SLIT1: variants seen among roughly 807,000 people sequenced by gnomAD.
SLIT1 encodes the protein slit guidance ligand 1.
Under a neutral mutation model 186.1 loss-of-function variants are expected in SLIT1, and 66 were observed. That is an observed-to-expected ratio of 0.35 (90% CI 0.29 to 0.44). The LOEUF is 0.44. Ranked by LOEUF, SLIT1 falls within the 20% of genes least tolerant of loss-of-function variation. SLIT1 has a pLI of 1.00. For synonymous variants in SLIT1, 761 were observed against 833.8 expected (o/e 0.91, Z 1.50); for missense variants, 1,638 against 2,037.4 (o/e 0.80, Z 3.77).
intron 4 of SLIT1, among the ~76,000 whole-genome samples, chr10:97,074,627 A>C (rs56255957): frequency 0.04 from 6,037 of 152,302 alleles, 146 homozygotes; most frequent in South Asian, 0.1. Flanking sequence ...CAGACAAAGC[A>C]TGAACCCCAT....
At chr10:97,096,059 T>C (rs1011898521) in intron 4 of SLIT1, among the ~76,000 whole-genome samples, 1 of 152,014 alleles carries the variant, frequency 6.6e-6, no homozygotes, top group Non-Finnish European at 1.5e-5. Flanking sequence ...AGAAAGAATC[T>C]CTCACCCTGA....
In SLIT1 at chr10:97,021,304, C is replaced by A. The variant is rs774832887; in HGVS notation, c.2692G>T (p.Asp898Tyr). The stretch of plus-strand genomic sequence containing the variant: ...GTGAGGAGCAGCTTGCCCTCCATGT[C>A]CTGGGGCCCAGCACAACGAGCAATG... ...PGIARCAGPQDMEGKLLLTTP... is the reference protein window; with the variant it reads ...PGIARCAGPQYMEGKLLLTTP... Residue 898 changes from aspartate (D) to tyrosine (Y), a missense_variant, in exon 26 of 37, where the codon GAC becomes TAC. Physicochemically the swap from Asp to Tyr is radical, Grantham distance 160. Around this residue, in one of 3 missense-constraint regions of SLIT1, gnomAD observed 1,245 missense variants for 1,535.3 expected, o/e 0.81. Coordinates refer to ENST00000266058, the MANE Select transcript of SLIT1 (RefSeq NM_003061.3). The surrounding 1 kb of genome is among the most constrained non-coding windows in gnomAD (Gnocchi z 4.5). 1.2e-6 allele frequency: 2 copies of A among 1,614,068 alleles called. No individual in the cohort carries two copies. Among genetic ancestry groups the A allele is most frequent in the African/African-American group, 2.7e-5 (2 of 74,950 alleles).
At chr10:97,143,565 A>G (rs953880278) in intron 4 of SLIT1, among the ~76,000 whole-genome samples, 2 of 152,212 alleles carry the variant, frequency 1.3e-5, no homozygotes, top group Non-Finnish European at 2.9e-5. Context: ...TAACACTACT[A>G]AACTGGACAC....
At chr10:97,137,746 C>G (rs1849716571) in intron 4 of SLIT1, among the ~76,000 whole-genome samples, 1 of 152,056 alleles carries the variant, frequency 6.6e-6, no homozygotes, top group South Asian at 2.1e-4. Context: ...CCACCATCCC[C>G]AGCTAATTTT....
chr10:97,031,834 G>A (rs181777401), intron 23 of SLIT1, among the ~76,000 whole-genome samples, 157 bp from the exon 24 acceptor site: 3 of 152,368 alleles, frequency 2.0e-5, no homozygotes, highest in East Asian at 1.9e-4. Flanking sequence ...GCTGGGCTGC[G>A]CCCTAAGAAG....
At chr10:97,127,645 C>T (rs147786513) in intron 4 of SLIT1, among the ~76,000 whole-genome samples, 9 of 152,274 alleles carry the variant, frequency 5.9e-5, no homozygotes, top group East Asian at 1.9e-4. Context: ...TTCCACTCTA[C>T]GAAGAAACAC....
chr10:97,097,027 T>C (rs1048232376), intron 4 of SLIT1, among the ~76,000 whole-genome samples: 1 of 152,128 alleles, frequency 6.6e-6, no homozygotes, highest in East Asian at 1.9e-4. Context: ...TCAGGGATAC[T>C]AGGAAGGCAA....
chr10:97,060,962 G>T (rs1391883811), intron 8 of SLIT1, among the ~76,000 whole-genome samples, 175 bp from the exon 9 acceptor site: 1 of 152,242 alleles, frequency 6.6e-6, no homozygotes, highest in Non-Finnish European at 1.5e-5. Flanking sequence ...CTCTGTGGGT[G>T]CCTGGCACAC....
intron 30 of SLIT1, among the ~76,000 whole-genome samples, chr10:97,011,734 C>T (rs1848412457): frequency 6.6e-6 from 1 of 152,168 alleles, no homozygotes; most frequent in South Asian, 2.1e-4. Context: ...ACTCCTGTAG[C>T]CCTTTCTAGT....
At chr10:97,015,715 T>C (rs370939541) in intron 28 of SLIT1, among the ~76,000 whole-genome samples, 3 of 152,222 alleles carry the variant, frequency 2.0e-5, no homozygotes, top group African/African-American at 7.2e-5. Context: ...AATTCTATAA[T>C]ACAGTTATGT....
intron 4 of SLIT1, among the ~76,000 whole-genome samples, chr10:97,087,983 A>G (rs890789277): frequency 6.6e-6 from 1 of 152,056 alleles, no homozygotes; most frequent in Non-Finnish European, 1.5e-5. Context: ...GCTGCATCAG[A>G]ATCTGCCTTT....
intron 22 of SLIT1, 102 bp from the exon 23 acceptor site, chr10:97,034,644 C>T: frequency 1.8e-6 from 2 of 1,090,882 alleles, no homozygotes; most frequent in Non-Finnish European, 2.8e-6. Flanking sequence ...GGCCATTCCC[C>T]AGCCAGGTTG....
chr10:97,157,874 G>A lies in SLIT1; in HGVS notation c.357C>T (p.Asn119=). 3.1e-6 allele frequency: 5 copies of A among 1,613,878 alleles called. No individual in the cohort carries two copies. Among genetic ancestry groups the A allele is most frequent in the Non-Finnish European group, 4.2e-6 (5 of 1,179,730 alleles). Residue 119 remains asparagine, a synonymous_variant, in exon 4 of 37, where the codon AAC becomes AAT. Transcript: ENST00000266058. ...KELERLRLNR[N]QLHMLPELLF... ...GCAGTTCCGGTAACATGTGCAGCTGGTTTCGGTTCAGTCGCCTATAAAAGA... is the reference window on the plus strand; with the variant it reads ...GCAGTTCCGGTAACATGTGCAGCTGATTTCGGTTCAGTCGCCTATAAAAGA...
At chr10:97,136,981 G>C (rs1849709457) in intron 4 of SLIT1, among the ~76,000 whole-genome samples, 1 of 152,152 alleles carries the variant, frequency 6.6e-6, no homozygotes, top group South Asian at 2.1e-4. Flanking sequence ...GATGCTCTTG[G>C]AGTTAAATGA....
At chr10:97,005,551 A>G (rs1245059086) in intron 32 of SLIT1, among the ~76,000 whole-genome samples, 3 of 152,242 alleles carry the variant, frequency 2.0e-5, no homozygotes, top group Non-Finnish European at 4.4e-5. Context: ...CAGGCCAATC[A>G]GAGATCTTCC....
chr10:97,060,802 G>A lies in SLIT1; in HGVS notation c.794-15C>T, dbSNP rs765017887. On this transcript the variant is annotated splice_polypyrimidine_tract_variant and intron_variant, in intron 8 of 36. Transcript: ENST00000266058. The stretch of plus-strand genomic sequence containing the variant: ...TTCTCCCTGGCCTGCAGAAACAGGG[G>A]GGTGTGGCCTCAGGCTGTCATGCAT... The A allele has an allele frequency of 6.3e-7, 1 of 1,576,286 alleles. No individual in the cohort carries two copies. Among genetic ancestry groups the A allele is most frequent in the Non-Finnish European group, 8.6e-7 (1 of 1,161,260 alleles).
At position 97,034,144 on chromosome 10, in the gene SLIT1, C is replaced by T. The variant is rs143304228; in HGVS notation, c.2438+327G>A. 7.1e-3 allele frequency among the ~76,000 whole-genome samples: 1,075 copies of T among 152,268 alleles called. 16 individuals are homozygous for T. Among genetic ancestry groups the T allele is most frequent in the African/African-American group, 0.025 (1,035 of 41,542 alleles). ...CCTCCCAAAGTGCTGGGATTATAGG[C>T]GTGAGCCACTGCGCCTGGCCGAGTG... On this transcript the variant is annotated intron_variant, in intron 23 of 36. Transcript: ENST00000266058.
At chr10:97,085,322 A>C (rs939173860) in intron 4 of SLIT1, among the ~76,000 whole-genome samples, 2 of 152,056 alleles carry the variant, frequency 1.3e-5, no homozygotes, top group East Asian at 3.9e-4. Flanking sequence ...TTCTTCAAAA[A>C]CATGATGTAT....
At chr10:97,185,396 C>T in intron 1 of SLIT1, 82 bp downstream of exon 1, 1 of 1,392,460 alleles carries the variant, frequency 7.2e-7, no homozygotes, top group Non-Finnish European at 9.9e-7. Context: ...AATGGTCCTG[C>T]CCCCACCCCC....
Sources: allele counts gnomAD v4.1 joint callset (sites outside exome capture counted in the v4.1 genomes callset), GRCh38; gene constraint gnomAD v4.1.1; regional missense constraint gnomAD v4.1.1; non-coding constraint Gnocchi (gnomAD v3.1); transcripts MANE v1.5; gene names NCBI Gene and HGNC (gene_info 2026-07-23, HGNC 2026-07-21).